Variants in TACC2 observed in about 807,000 individuals in gnomAD.
TACC2 encodes the protein transforming acidic coiled-coil-containing protein 2.
In TACC2, 137 loss-of-function variants were observed where a neutral mutation model predicts 227.3. The observed-to-expected ratio is 0.60, with a 90% CI of 0.52 to 0.69. The LOEUF (loss-of-function observed/expected upper bound fraction) is 0.69, where lower values mean the gene tolerates loss of function less well. Among genes scored for constraint, TACC2 ranks in the 30% least tolerant of loss-of-function variants. The pLI is 0.00. For synonymous variants in TACC2, 1,523 were observed against 1,487.5 expected (o/e 1.02, Z -0.55); for missense variants, 3,470 against 3,694.4 (o/e 0.94, Z 1.57).
intron 14 of TACC2, 120 bp from the exon 15 acceptor site, chr10:122,229,226 T>G (rs753128077): frequency 4.1e-5 from 46 of 1,129,396 alleles, no homozygotes; most frequent in Non-Finnish European, 5.4e-5. Flanking sequence ...TAATTGATAC[T>G]CTCTTTAGCC....
At chr10:122,155,117 G>C (rs900441926) in intron 7 of TACC2, among the ~76,000 whole-genome samples, 1 of 152,190 alleles carries the variant, frequency 6.6e-6, no homozygotes, top group Non-Finnish European at 1.5e-5. Context: ...GAGAGGCAGG[G>C]AAGTTCTGCA....
chr10:122,229,240 A>G, intron 14 of TACC2, 106 bp from the exon 15 acceptor site: 2 of 1,385,396 alleles, frequency 1.4e-6, no homozygotes, highest in Non-Finnish European at 2.0e-6. Context: ...TTTAGCCTCA[A>G]GGCAAAAATG....
chr10:122,152,857 T>G (rs1286926592), intron 7 of TACC2, among the ~76,000 whole-genome samples: 1 of 152,228 alleles, frequency 6.6e-6, no homozygotes, highest in Non-Finnish European at 1.5e-5. Flanking sequence ...AGGCTCTGAC[T>G]GGGATTAGGT....
At chr10:122,053,063 C>T (rs1367877601) in intron 3 of TACC2, among the ~76,000 whole-genome samples, 1 of 152,178 alleles carries the variant, frequency 6.6e-6, no homozygotes, top group Non-Finnish European at 1.5e-5. Flanking sequence ...GATCCTGAGT[C>T]CTTACCTGCC....
intron 5 of TACC2, among the ~76,000 whole-genome samples, chr10:122,096,682 CA>C (rs2081469700): frequency 8.6e-6 from 1 of 116,700 alleles, no homozygotes; most frequent in African/African-American, 3.4e-5. Context: ...GGCGACAGAG[CA>C]AAACTCCGTC....
chr10:122,127,338 C>T (rs2087081093), intron 5 of TACC2, among the ~76,000 whole-genome samples: 1 of 152,224 alleles, frequency 6.6e-6, no homozygotes, highest in African/African-American at 2.4e-5. Context: ...TGGGGCTCTT[C>T]CTGTGGCATG....
chr10:122,230,239 C>T (rs1274838662), intron 15 of TACC2, 112 bp from the exon 16 acceptor site: 12 of 852,352 alleles, frequency 1.4e-5, no homozygotes, highest in East Asian at 4.9e-5. Flanking sequence ...GTGTTTTTCC[C>T]GAGTGCCTGT....
Position 122,121,802 on chromosome 10 carries a change from G to C in TACC2, c.5574-10807G>C, listed in dbSNP as rs556445259. On this transcript the variant is annotated intron_variant, in intron 5 of 22. Coordinates refer to ENST00000369005, the MANE Select transcript of TACC2 (RefSeq NM_206862.4). Reference sequence around the variant, plus strand: ...GGAAGGTAGAGGTCCCTGCCCTGTTGTTGGTGGTCACGATTCCCCTGCTGG... The same window carrying C: ...GGAAGGTAGAGGTCCCTGCCCTGTTCTTGGTGGTCACGATTCCCCTGCTGG... 2.6e-5 allele frequency among the ~76,000 whole-genome samples: 4 copies of C among 152,284 alleles called. No homozygotes were observed. In the South Asian group the frequency reaches 8.3e-4, roughly 32 times the overall value.
intron 5 of TACC2, among the ~76,000 whole-genome samples, chr10:122,121,314 A>T (rs938454511): frequency 1.6e-4 from 24 of 152,236 alleles, no homozygotes; most frequent in African/African-American, 5.8e-4. Context: ...AAACATTCGC[A>T]TGACTGGTCA....
chr10:122,170,910 C>T (rs2093438684), intron 7 of TACC2, among the ~76,000 whole-genome samples: 1 of 152,172 alleles, frequency 6.6e-6, no homozygotes, highest in Non-Finnish European at 1.5e-5. Flanking sequence ...TGGCTGGTCT[C>T]TTTTTTCCTG....
chr10:122,254,072 T>G lies in TACC2; in HGVS notation c.*16T>G, dbSNP rs1187544287. On this transcript the variant is annotated 3_prime_UTR_variant, in exon 23 of 23. Coordinates refer to ENST00000369005, the MANE Select transcript of TACC2 (RefSeq NM_206862.4). ...GAAAAGCTAACTCTGAACCGAATGTTTTGGACTTAACTGTTGCGTGCAATA... is the reference window on the plus strand; with the variant it reads ...GAAAAGCTAACTCTGAACCGAATGTGTTGGACTTAACTGTTGCGTGCAATA... 1 of 1,612,978 alleles carries G rather than the reference T, an allele frequency of 6.2e-7. No homozygotes were observed. The highest frequency in any genetic ancestry group is 8.5e-7 in the Non-Finnish European group (1 of 1,178,886).
At position 122,197,621 on chromosome 10, in the gene TACC2, G is replaced by T. The variant is rs139354217; in HGVS notation, c.5971+2445G>T. Among the ~76,000 whole-genome samples the T allele has an allele frequency of 8.5e-5, 13 of 152,356 alleles. No homozygotes were observed. In the East Asian group the frequency reaches 2.3e-3, roughly 27 times the overall value. Reference sequence around the variant, plus strand: ...AGGGAAGGGGATGGAAACGTTAATTGCTGTGGAGTCACAGCCCCTCAGAAC... The same window carrying T: ...AGGGAAGGGGATGGAAACGTTAATTTCTGTGGAGTCACAGCCCCTCAGAAC... On this transcript the variant is annotated intron_variant, in intron 8 of 22. Transcript: ENST00000369005.
At chr10:122,122,935 A>T (rs11200414) in intron 5 of TACC2, among the ~76,000 whole-genome samples, 1 of 152,012 alleles carries the variant, frequency 6.6e-6, no homozygotes, top group South Asian at 2.1e-4. Context: ...GCATGCTTGC[A>T]ACATAGATGA....
At chr10:122,165,769 A>C (rs761758290) in intron 7 of TACC2, among the ~76,000 whole-genome samples, 1 of 152,156 alleles carries the variant, frequency 6.6e-6, no homozygotes, top group African/African-American at 2.4e-5. Context: ...TCATTCACAA[A>C]ATCCCACCCT....
At chr10:122,082,537 G>C in intron 3 of TACC2, 110 bp from the exon 4 acceptor site, 1 of 1,209,204 alleles carries the variant, frequency 8.3e-7, no homozygotes, top group Non-Finnish European at 1.2e-6. Context: ...TGTGTCTGTG[G>C]TTAGGGCACT....
chr10:122,126,416 C>T (rs1006905434), intron 5 of TACC2, among the ~76,000 whole-genome samples: 5 of 150,722 alleles, frequency 3.3e-5, no homozygotes, highest in African/African-American at 4.8e-5. Context: ...TCCTTTGACG[C>T]GACTCCCCCA....
At chr10:122,062,742 G>A (rs191078398) in intron 3 of TACC2, among the ~76,000 whole-genome samples, 232 of 152,304 alleles carry the variant, frequency 1.5e-3, no homozygotes, top group Non-Finnish European at 2.6e-3. Context: ...CAACTATGGG[G>A]AAGGGTTTAG....
At chr10:121,992,484 A>G (rs1382528934) in intron 1 of TACC2, among the ~76,000 whole-genome samples, 2 of 152,260 alleles carry the variant, frequency 1.3e-5, no homozygotes, top group Non-Finnish European at 2.9e-5. Context: ...GTAATTGCAC[A>G]GAACAACTCA....
intron 6 of TACC2, among the ~76,000 whole-genome samples, chr10:122,139,219 T>G (rs1374152665): frequency 6.6e-6 from 1 of 152,224 alleles, no homozygotes; most frequent in Non-Finnish European, 1.5e-5. Flanking sequence ...TCTGTGAAGG[T>G]AAAGTGGATA....
Sources: allele counts gnomAD v4.1 joint callset (sites outside exome capture counted in the v4.1 genomes callset), GRCh38; gene constraint gnomAD v4.1.1; transcripts MANE v1.5; gene names NCBI Gene and HGNC (gene_info 2026-07-23, HGNC 2026-07-21).